VKORC1L1: variants seen among roughly 807,000 people sequenced by gnomAD.
The protein encoded by VKORC1L1 is vitamin K epoxide reductase complex subunit 1-like protein 1.
In VKORC1L1, 2 loss-of-function variants were observed where a neutral mutation model predicts 18.9. That is an observed-to-expected ratio of 0.11 (90% CI 0.04 to 0.33). The LOEUF is 0.33. VKORC1L1 is among the 10% of genes least tolerant of loss of function. VKORC1L1 has a pLI of 1.00. For missense variants in VKORC1L1, 123 were observed against 224.1 expected (o/e 0.55, Z 2.88); for synonymous variants, 96 against 100.0 (o/e 0.96, Z 0.24).
chr7:65,871,882 AAG>A (rs1263781795), upstream of VKORC1L1, among the ~76,000 whole-genome samples: 6 of 152,156 alleles, frequency 3.9e-5, no homozygotes, highest in East Asian at 1.2e-3. Context: ...AGGGAAAAAA[AAG>A]TTTATTGTTT....
chr7:65,956,751 A>T lies in VKORC1L1; in HGVS notation c.*2451A>T, dbSNP rs569821324. 1 of 152,194 alleles carries T rather than the reference A, an allele frequency of 6.6e-6. No homozygotes were observed. The highest frequency in any genetic ancestry group is 1.5e-5 in the Non-Finnish European group (1 of 68,036). The allele number at this position is 152,194 out of a possible 1,614,324, so 9.4% of individuals were successfully genotyped here. ...CGATTCTGCCCAGAAGAGGGGGGGAATCACCAGTGTTACAAAATTAGAAGA... is the reference window on the plus strand; with the variant it reads ...CGATTCTGCCCAGAAGAGGGGGGGATTCACCAGTGTTACAAAATTAGAAGA... On this transcript the variant is annotated 3_prime_UTR_variant, in exon 3 of 3. Transcript: ENST00000360768.
intron 1 of VKORC1L1, among the ~76,000 whole-genome samples, chr7:65,900,988 A>C (rs1192899611): frequency 6.6e-6 from 1 of 152,134 alleles, no homozygotes; most frequent in Non-Finnish European, 1.5e-5. Context: ...CACAGGTGAG[A>C]TCCTACACAG....
At chr7:65,912,608 A>G (rs1789519136) in intron 1 of VKORC1L1, among the ~76,000 whole-genome samples, 1 of 152,218 alleles carries the variant, frequency 6.6e-6, no homozygotes, top group South Asian at 2.1e-4. Context: ...CTTTACTGAC[A>G]CCATGACTAG....
At chr7:65,941,114 T>C (rs890618643) in intron 1 of VKORC1L1, among the ~76,000 whole-genome samples, 2 of 152,174 alleles carry the variant, frequency 1.3e-5, no homozygotes, top group African/African-American at 4.8e-5. Flanking sequence ...TCTATTTCTT[T>C]TTTTTCTTTT....
At chr7:65,948,826 G>T (rs570037248) in intron 2 of VKORC1L1, 46 bp downstream of exon 2, 12 of 1,190,318 alleles carry the variant, frequency 1.0e-5, no homozygotes, top group Non-Finnish European at 1.4e-5. Flanking sequence ...ATTCCGTTTA[G>T]TACTTTGTGT....
In VKORC1L1 at chr7:65,954,387, A is replaced by ATTG; in HGVS notation, c.*89_*90insGTT. 1.4e-6 allele frequency: 2 copies of ATTG among 1,476,650 alleles called. No individual in the cohort carries two copies. Among genetic ancestry groups the ATTG allele is most frequent in the Non-Finnish European group, 1.8e-6 (2 of 1,119,490 alleles). 91.5% of individuals were successfully genotyped at this position (1,476,650 alleles called of 1,614,324 possible). On this transcript the variant is annotated 3_prime_UTR_variant, in exon 3 of 3. Coordinates refer to ENST00000360768, the MANE Select transcript of VKORC1L1 (RefSeq NM_173517.6). ...GGTTTTTATTATTATTATTATTATT[A>ATTG]TTATTCACAACAGACACTTTCCCTA... is the stretch of plus-strand genomic sequence containing the variant.
intron 1 of VKORC1L1, among the ~76,000 whole-genome samples, chr7:65,906,756 T>C (rs979152926): frequency 1.3e-5 from 2 of 152,116 alleles, no homozygotes; most frequent in African/African-American, 4.8e-5. Context: ...GGGGAAGAGA[T>C]CCATAATTCA....
rs1387361337 is a variant in VKORC1L1, at chr7:65,885,459, TG to T, written c.194+11895del. On this transcript the variant is annotated intron_variant, in intron 1 of 2. Coordinates refer to ENST00000360768, the MANE Select transcript of VKORC1L1 (RefSeq NM_173517.6). Reference sequence around the variant, plus strand: ...GGAAAATCTTTCACATATTTATAGTTGTTTTTTTTTTCTGGTTTAGCAAAAT... The same window carrying T: ...GGAAAATCTTTCACATATTTATAGTTTTTTTTTTTTCTGGTTTAGCAAAAT... 1.2e-3 allele frequency among the ~76,000 whole-genome samples: 188 copies of T among 151,288 alleles called. 2 individuals are homozygous for T. Among genetic ancestry groups the T allele is most frequent in the African/African-American group, 4.1e-3 (171 of 41,424 alleles).
chr7:65,957,118 T>C lies in VKORC1L1; in HGVS notation c.*2818T>C, dbSNP rs1790307913. ...TGTGCCCAGAATCACTGTTCCTTCA[T>C]ACATGTGTCCTCTCCTTAAATTCAT... On this transcript the variant is annotated 3_prime_UTR_variant, in exon 3 of 3. Coordinates refer to ENST00000360768, the MANE Select transcript of VKORC1L1 (RefSeq NM_173517.6). The C allele has an allele frequency of 6.6e-6, 1 of 152,230 alleles. No individual in the cohort carries two copies. Among genetic ancestry groups the C allele is most frequent in the Non-Finnish European group, 1.5e-5 (1 of 68,032 alleles). 9.4% of individuals were successfully genotyped at this position (152,230 alleles called of 1,614,324 possible).
rs1790007203 is a variant in VKORC1L1 at position 65,939,937 on chromosome 7, T to C, written c.195-8734T>C. On this transcript the variant is annotated intron_variant, in intron 1 of 2. Coordinates refer to ENST00000360768, the MANE Select transcript of VKORC1L1 (RefSeq NM_173517.6). Reference sequence around the variant, plus strand: ...TTAATGTAGACTATTTTTGCACCCATGCTGTTGATTGCCAAATGTAATAGT... The same window carrying C: ...TTAATGTAGACTATTTTTGCACCCACGCTGTTGATTGCCAAATGTAATAGT... Among the ~76,000 whole-genome samples the C allele has an allele frequency of 2.0e-5, 3 of 152,304 alleles. No homozygotes were observed. The South Asian group carries it at 6.2e-4, about 32-fold the overall frequency.
chr7:65,909,690 TTGTGTGTGTGTGTGTGTGTG>T (rs56074368), intron 1 of VKORC1L1, among the ~76,000 whole-genome samples: 4 of 123,756 alleles, frequency 3.2e-5, no homozygotes, highest in East Asian at 2.6e-4. Flanking sequence ...GTTTTAGCCT[TTGTGTGTGTGTGTGTGTGTG>T]TGTGTGTGTG....
intron 2 of VKORC1L1, among the ~76,000 whole-genome samples, chr7:65,952,521 G>C (rs1280348357): frequency 6.6e-6 from 1 of 151,680 alleles, no homozygotes; most frequent in Non-Finnish European, 1.5e-5. Flanking sequence ...GCGTCTTCTT[G>C]TTGCATTTTT....
intron 1 of VKORC1L1, among the ~76,000 whole-genome samples, chr7:65,938,432 T>C (rs1331503952): frequency 1.3e-5 from 2 of 152,052 alleles, no homozygotes; most frequent in East Asian, 3.8e-4. Flanking sequence ...AGGGCCAACA[T>C]TTGGCTAAGA....
chr7:65,878,652 C>G (rs1038117963), intron 1 of VKORC1L1, among the ~76,000 whole-genome samples: 5 of 152,262 alleles, frequency 3.3e-5, no homozygotes, highest in African/African-American at 9.6e-5. Context: ...CGCCTGTAAT[C>G]TCAGCACTTT....
At chr7:65,896,914 G>C (rs1251241190) in intron 1 of VKORC1L1, among the ~76,000 whole-genome samples, 1 of 152,258 alleles carries the variant, frequency 6.6e-6, no homozygotes, top group Non-Finnish European at 1.5e-5. Flanking sequence ...CAAGAGGATT[G>C]CTTGAACCTG....
At chr7:65,925,769 C>T (rs1371577573) in intron 1 of VKORC1L1, among the ~76,000 whole-genome samples, 2 of 152,006 alleles carry the variant, frequency 1.3e-5, no homozygotes, top group Non-Finnish European at 2.9e-5. Flanking sequence ...ATTTAATGCA[C>T]GTGCTTATTT....
chr7:65,900,038 C>T (rs561076044), intron 1 of VKORC1L1, among the ~76,000 whole-genome samples: 28 of 133,552 alleles, frequency 2.1e-4, no homozygotes, highest in South Asian at 1.3e-3. Context: ...TGCATGTGCA[C>T]GCACGTGTGT....
intron 1 of VKORC1L1, among the ~76,000 whole-genome samples, chr7:65,944,916 CAA>C (rs376538691): frequency 3.1e-4 from 23 of 74,878 alleles, no homozygotes; most frequent in Admixed American, 2.9e-4. Context: ...GACCCCGTCT[CAA>C]AAAAAAAAAA....
intron 2 of VKORC1L1, 23 bp from the exon 3 acceptor site, chr7:65,954,051 A>G: frequency 6.4e-7 from 1 of 1,572,476 alleles, no homozygotes; most frequent in Non-Finnish European, 8.7e-7. Flanking sequence ...GGCCTGACTG[A>G]GCCTGCGTCT....
Sources: allele counts gnomAD v4.1 joint callset (sites outside exome capture counted in the v4.1 genomes callset), GRCh38; gene constraint gnomAD v4.1.1; transcripts MANE v1.5; gene names NCBI Gene and HGNC (gene_info 2026-07-23, HGNC 2026-07-21).